KIAA1958: variants seen among roughly 807,000 people sequenced by gnomAD.
KIAA1958 encodes the protein KIAA1958.
In KIAA1958, 14 loss-of-function variants were observed where a neutral mutation model predicts 47.2. The observed-to-expected ratio is 0.30, with a 90% confidence interval of 0.20 to 0.46. The LOEUF (loss-of-function observed/expected upper bound fraction) is 0.46, where lower values mean the gene tolerates loss of function less well. Among genes scored for constraint, KIAA1958 ranks in the 20% least tolerant of loss-of-function variants. KIAA1958 has a pLI of 1.00. For missense variants in KIAA1958, 803 were observed against 909.2 expected, an observed-to-expected ratio of 0.88 and a Z score of 1.50; for synonymous variants, 354 against 353.3, an observed-to-expected ratio of 1.00 and a Z score of -0.02.
In KIAA1958 at chr9:112,574,418, G is replaced by A. The variant is rs769062478; in HGVS notation, c.338G>A (p.Cys113Tyr). ...AGACCAGTGAAAGCAAAGCTAGACTGTAACCGGACCAGAGACTCTTGTGAC... is the reference window on the plus strand; with the variant it reads ...AGACCAGTGAAAGCAAAGCTAGACTATAACCGGACCAGAGACTCTTGTGAC... ...PGRPVKAKLD[C>Y]NRTRDSCDFS... Residue 113 changes from cysteine to tyrosine, a missense_variant, in exon 2 of 4, where the codon TGT becomes TAT. Cys to Tyr is a radical substitution (Grantham distance 194). Around this residue, in one of 2 missense-constraint regions of KIAA1958, gnomAD observed 761 missense variants for 829.3 expected, o/e 0.92. Transcript: ENST00000337530. 2 of 1,614,126 alleles carry A rather than the reference G, an allele frequency of 1.2e-6. No individual in the cohort carries two copies. The highest frequency in any genetic ancestry group is 2.2e-5 in the East Asian group (1 of 44,882).
intron 1 of KIAA1958, among the ~76,000 whole-genome samples, chr9:112,492,752 CTT>C (rs1350178412): frequency 6.6e-6 from 1 of 151,774 alleles, no homozygotes; most frequent in African/African-American, 2.4e-5. Context: ...GTACAAAATC[CTT>C]TTTTTGTTTG....
chr9:112,641,696 A>G (rs1291681197), intron 2 of KIAA1958, among the ~76,000 whole-genome samples: 1 of 151,984 alleles, frequency 6.6e-6, no homozygotes, highest in Admixed American at 6.6e-5. Context: ...CTTCACCCTC[A>G]TAACTTCTTA....
chr9:112,646,739 C>T (rs752120525), intron 3 of KIAA1958, among the ~76,000 whole-genome samples: 26 of 152,238 alleles, frequency 1.7e-4, no homozygotes, highest in Admixed American at 2.6e-4. Flanking sequence ...CATAGCAAGA[C>T]GCTGCCTCTA....
chr9:112,646,308 T>C (rs909934948), intron 3 of KIAA1958, among the ~76,000 whole-genome samples: 27 of 152,240 alleles, frequency 1.8e-4, no homozygotes, highest in African/African-American at 6.0e-4. Flanking sequence ...CACTGAAATA[T>C]CTTGTTTTGT....
At chr9:112,515,894 T>TCAAA (rs1212561170) in intron 1 of KIAA1958, among the ~76,000 whole-genome samples, 1 of 97,126 alleles carries the variant, frequency 1.0e-5, no homozygotes, top group Admixed American at 1.2e-4. Flanking sequence ...AAAAATAAAT[T>TCAAA]AAAAAAAAAA....
At chr9:112,505,855 T>C (rs747605053) in intron 1 of KIAA1958, among the ~76,000 whole-genome samples, 11 of 152,174 alleles carry the variant, frequency 7.2e-5, no homozygotes, top group Non-Finnish European at 1.5e-4. Context: ...GGAACTTTGC[T>C]TTGTGAGTGT....
intron 1 of KIAA1958, among the ~76,000 whole-genome samples, chr9:112,515,918 G>GAAAAAAAA (rs1564155552): frequency 2.7e-4 from 37 of 134,878 alleles, no homozygotes; most frequent in East Asian, 4.4e-4. Context: ...AAAAAAGACT[G>GAAAAAAAA]AATGCTTTTC....
intron 1 of KIAA1958, among the ~76,000 whole-genome samples, chr9:112,549,794 G>A (rs1051327031): frequency 1.3e-5 from 2 of 152,188 alleles, no homozygotes; most frequent in South Asian, 2.1e-4. Context: ...TGGTTGTCAC[G>A]ACTTGGAGGT....
intron 2 of KIAA1958, among the ~76,000 whole-genome samples, chr9:112,592,321 A>G (rs1350103821): frequency 1.3e-5 from 2 of 152,238 alleles, no homozygotes; most frequent in African/African-American, 2.4e-5. Context: ...GTGAGCCCAG[A>G]TCACACCACT....
At position 112,512,429 on chromosome 9, in the gene KIAA1958, A is replaced by T. The variant is rs1180720902; in HGVS notation, c.-25+25311A>T. On this transcript the variant is annotated intron_variant, in intron 1 of 3. Transcript: ENST00000337530. ...TTTGATTGCTGTAAATGAAAAAAAA[A>T]TTTGAAAAAATCAAACATTTATTCC... Among the ~76,000 whole-genome samples the T allele has an allele frequency of 2.6e-5, 4 of 152,190 alleles. No homozygotes were observed. The East Asian group carries it at 5.8e-4, about 22-fold the overall frequency.
intron 2 of KIAA1958, among the ~76,000 whole-genome samples, chr9:112,600,625 CTGGTTG>C: frequency 6.6e-6 from 1 of 152,268 alleles, no homozygotes; most frequent in Middle Eastern, 3.4e-3. Context: ...GATATTAACT[CTGGTTG>C]TTCACATATG....
At chr9:112,572,863 A>G (rs192186681) in intron 1 of KIAA1958, among the ~76,000 whole-genome samples, 13 of 152,324 alleles carry the variant, frequency 8.5e-5, no homozygotes, top group Admixed American at 3.3e-4. Flanking sequence ...ACAGGGCGCC[A>G]TGGAGTCAGG....
intron 1 of KIAA1958, among the ~76,000 whole-genome samples, chr9:112,562,532 G>A (rs1835351813): frequency 6.6e-6 from 1 of 152,170 alleles, no homozygotes; most frequent in African/African-American, 2.4e-5. Context: ...TTAGGGCAGG[G>A]CAGTTGAGAT....
chr9:112,582,740 A>T (rs1198672542), intron 2 of KIAA1958: 4 of 151,334 alleles, frequency 2.6e-5, no homozygotes, highest in Non-Finnish European at 5.9e-5. Context: ...AAAAAAACAG[A>T]CAAAAAAACC....
At chr9:112,570,304 G>C (rs1835510255) in intron 1 of KIAA1958, among the ~76,000 whole-genome samples, 1 of 152,146 alleles carries the variant, frequency 6.6e-6, no homozygotes, top group Non-Finnish European at 1.5e-5. Context: ...TGGAAGCATG[G>C]TGCTATACGT....
chr9:112,582,004 G>A (rs1368841988), intron 2 of KIAA1958: 2 of 250,392 alleles, frequency 8.0e-6, no homozygotes, highest in Middle Eastern at 4.8e-4. Context: ...CAAACTCACT[G>A]CAGTTGAGCA....
intron 1 of KIAA1958, among the ~76,000 whole-genome samples, chr9:112,513,054 G>C (rs1165080165): frequency 2.2e-4 from 31 of 142,664 alleles, no homozygotes; most frequent in African/African-American, 8.2e-4. Flanking sequence ...ACCCAGGCTG[G>C]AGTGCAGTGG....
At chr9:112,494,499 G>GTTTTTTTTTTTTTT (rs1207541860) in intron 1 of KIAA1958, among the ~76,000 whole-genome samples, 1 of 148,446 alleles carries the variant, frequency 6.7e-6, no homozygotes. Context: ...TTTTTTGACA[G>GTTTTTTTTTTTTTT]TCTCTGTCAC....
In KIAA1958 at chr9:112,647,487, C is replaced by T. The variant is rs944334872; in HGVS notation, c.1344+1665C>T. Among the ~76,000 whole-genome samples the T allele has an allele frequency of 5.3e-5, 8 of 151,658 alleles. No individual in the cohort carries two copies. The South Asian group carries it at 1.3e-3, about 24-fold the overall frequency. On this transcript the variant is annotated intron_variant, in intron 3 of 3. Coordinates refer to ENST00000337530, the MANE Select transcript of KIAA1958 (RefSeq NM_133465.4). The stretch of plus-strand genomic sequence containing the variant: ...AAAAACAAACAAACAAAAAAAACAG[C>T]GCTGAAGGAAATAAACCACAATGCA...
Sources: allele counts gnomAD v4.1 joint callset (sites outside exome capture counted in the v4.1 genomes callset), GRCh38; gene constraint gnomAD v4.1.1; regional missense constraint gnomAD v4.1.1; transcripts MANE v1.5; gene names NCBI Gene and HGNC (gene_info 2026-07-23, HGNC 2026-07-21).